Variants in SUN1 observed in about 807,000 individuals in gnomAD.
SUN1 encodes the protein SUN domain-containing protein 1.
A neutral mutation model predicts 103.2 loss-of-function variants in SUN1; 61 were observed. The ratio of observed to expected loss-of-function variants is 0.59; its 90% confidence interval spans 0.48 to 0.73. The LOEUF is 0.73. SUN1 is among the 30% of genes least tolerant of loss of function. SUN1 has a pLI of 0.00. For missense variants in SUN1, 1,052 were observed against 1,034.6 expected (o/e 1.02, Z -0.23); for synonymous variants, 490 against 425.7 (o/e 1.15, Z -1.86).
intron 2 of SUN1, among the ~76,000 whole-genome samples, chr7:841,328 C>CT (rs1347840932): frequency 2.7e-5 from 4 of 150,186 alleles, no homozygotes; most frequent in African/African-American, 9.8e-5. Context: ...ACTGCAACCT[C>CT]TGTCTCCCAG....
chr7:825,595 T>G (rs1790998864), intron 1 of SUN1, among the ~76,000 whole-genome samples: 1 of 152,210 alleles, frequency 6.6e-6, no homozygotes, highest in African/African-American at 2.4e-5. Flanking sequence ...TATTTCTGAT[T>G]TGTTGTTTTG....
chr7:871,728 T>TA (rs1841842823), intron 17 of SUN1, among the ~76,000 whole-genome samples: 1 of 152,230 alleles, frequency 6.6e-6, no homozygotes, highest in Non-Finnish European at 1.5e-5. Context: ...AGGCAGTAGT[T>TA]ACATCTACTC....
intron 16 of SUN1, 70 bp downstream of exon 16, chr7:866,137 G>C (rs1283092828): frequency 7.4e-7 from 1 of 1,351,448 alleles, no homozygotes; most frequent in Non-Finnish European, 1.1e-6. Flanking sequence ...CGGGTCGTAG[G>C]TCCACAGCTC....
intron 5 of SUN1, among the ~76,000 whole-genome samples, chr7:845,529 C>G (rs1461031533): frequency 6.6e-6 from 1 of 152,040 alleles, no homozygotes; most frequent in Non-Finnish European, 1.5e-5. Flanking sequence ...CACCTACAAG[C>G]TGCCACACCA....
chr7:829,824 G>T (rs1187862367), upstream of SUN1, among the ~76,000 whole-genome samples: 1 of 151,980 alleles, frequency 6.6e-6, no homozygotes, highest in African/African-American at 2.4e-5. Context: ...AAAGTGCTGG[G>T]ATTATAGGCG....
chr7:817,595 T>G, intron 1 of SUN1: 7 of 1,418,902 alleles, frequency 4.9e-6, no homozygotes, highest in Middle Eastern at 1.8e-4. Flanking sequence ...CATAATTGTG[T>G]CTTCTAAGCT....
chr7:840,665 G>A (rs1184074189), intron 2 of SUN1, among the ~76,000 whole-genome samples: 4 of 130,072 alleles, frequency 3.1e-5, no homozygotes, highest in Admixed American at 1.7e-4. Flanking sequence ...TTTTTGAAAC[G>A]GAGTCTCACT....
chr7:853,790 G>A (rs1478534622), intron 10 of SUN1, among the ~76,000 whole-genome samples, 172 bp downstream of exon 10: 3 of 152,314 alleles, frequency 2.0e-5, no homozygotes, highest in African/African-American at 4.8e-5. Flanking sequence ...TGGGTTTCCC[G>A]TCGTCTGCCG....
At chr7:854,871 T>C (rs767762258) in intron 10 of SUN1, 49 bp from the exon 11 acceptor site, 1 of 1,462,638 alleles carries the variant, frequency 6.8e-7, no homozygotes, top group Non-Finnish European at 9.5e-7. Flanking sequence ...TGCCAGGTTT[T>C]TGTTGCTTAA....
At chr7:843,136 G>T in intron 3 of SUN1, 70 bp from the exon 4 acceptor site, 2 of 1,585,254 alleles carry the variant, frequency 1.3e-6, no homozygotes, top group Non-Finnish European at 1.7e-6. Flanking sequence ...TTTTTTAATG[G>T]GTTTTGTTCT....
chr7:837,431 T>A (rs562386385), intron 1 of SUN1, among the ~76,000 whole-genome samples: 2 of 152,188 alleles, frequency 1.3e-5, no homozygotes, highest in African/African-American at 4.8e-5. Context: ...TGGTTTTCAA[T>A]TGGAGTCAAT....
intron 3 of SUN1, chr7:842,359 C>A (rs538857817): frequency 4.5e-5 from 25 of 552,912 alleles, no homozygotes; most frequent in African/African-American, 4.4e-4. Context: ...AAGCTGCTTC[C>A]ATGTGCGCCT....
At chr7:839,246 G>A (rs1806609702) in intron 2 of SUN1, 4 of 380,956 alleles carry the variant, frequency 1.0e-5, no homozygotes, top group Middle Eastern at 6.7e-4. Context: ...GCTGGTGCAC[G>A]CCACGTGCAG....
intron 16 of SUN1, among the ~76,000 whole-genome samples, chr7:868,112 C>T (rs1015060237): frequency 1.3e-5 from 2 of 152,236 alleles, no homozygotes; most frequent in Non-Finnish European, 2.9e-5. Context: ...GAGAAGCCGG[C>T]GGGTACGTGC....
At chr7:851,787 G>A (rs980749365) in intron 6 of SUN1, 163 bp from the exon 7 acceptor site, 32 of 675,918 alleles carry the variant, frequency 4.7e-5, no homozygotes, top group South Asian at 3.6e-4. Flanking sequence ...AGCATGATAC[G>A]TTACTGCCTT....
intron 1 of SUN1, among the ~76,000 whole-genome samples, chr7:825,215 C>CAT (rs1246181558): frequency 1.1e-4 from 17 of 152,242 alleles, no homozygotes; most frequent in African/African-American, 3.4e-4. Context: ...CCCGCCACTG[C>CAT]GCCCGGCTAA....
chr7:849,096 C>T (rs1225737146), intron 5 of SUN1, among the ~76,000 whole-genome samples: 3 of 152,110 alleles, frequency 2.0e-5, no homozygotes, highest in Admixed American at 6.5e-5. Context: ...GGACTACAGG[C>T]GCACGCCACC....
At chr7:854,799 C>G (rs1269096836) in intron 10 of SUN1, 121 bp from the exon 11 acceptor site, 2 of 678,136 alleles carry the variant, frequency 2.9e-6, no homozygotes, top group Non-Finnish European at 5.2e-6. Context: ...GGGTCCGTGC[C>G]ACATTGCGAC....
chr7:819,218 A>T, intron 1 of SUN1, among the ~76,000 whole-genome samples: 1 of 143,652 alleles, frequency 7.0e-6, no homozygotes, highest in African/African-American at 2.6e-5. Context: ...GAGTTGTCAG[A>T]ATTCTTTATT....
Sources: gnomAD v4.1 joint callset for allele counts (sites outside exome capture counted in the v4.1 genomes callset) on GRCh38, gnomAD v4.1.1 for gene constraint, MANE v1.5 for transcripts, NCBI Gene and HGNC (gene_info 2026-07-23, HGNC 2026-07-21) for gene names.